The following NRG1 variants were observed in gnomAD, a reference collection of about 807,000 sequenced individuals.
NRG1 encodes neuregulin 1.
Under a neutral mutation model 63.8 loss-of-function variants are expected in NRG1, and 18 were observed. The observed-to-expected ratio is 0.28, with a 90% CI of 0.19 to 0.42. The LOEUF (loss-of-function observed/expected upper bound fraction) is 0.42. Ranked by LOEUF, NRG1 falls within the 10% of genes least tolerant of loss-of-function variation. NRG1 has a pLI of 1.00. For missense variants in NRG1, 762 were observed against 814.7 expected (o/e 0.94, Z 0.79); for synonymous variants, 302 against 301.3 (o/e 1.00, Z -0.02).
chr8:31,921,906 T>C (rs1833952035), intron 1 of NRG1, among the ~76,000 whole-genome samples: 1 of 152,164 alleles, frequency 6.6e-6, no homozygotes, highest in South Asian at 2.1e-4. Context: ...GAGACTTTGT[T>C]AATTTTCTTA....
intron 1 of NRG1, among the ~76,000 whole-genome samples, chr8:32,573,885 G>A (rs1379286792): frequency 1.3e-5 from 2 of 151,912 alleles, no homozygotes; most frequent in Non-Finnish European, 2.9e-5. Context: ...TCCCACCTAT[G>A]AGTGAGAACA....
intron 6 of NRG1, among the ~76,000 whole-genome samples, chr8:32,734,876 T>C (rs1015501442): frequency 1.3e-5 from 2 of 152,234 alleles, no homozygotes; most frequent in Admixed American, 1.3e-4. Flanking sequence ...ATTGAACTCA[T>C]ATGAGACAGG....
At chr8:31,988,788 T>G (rs1236882997) in intron 1 of NRG1, among the ~76,000 whole-genome samples, 1 of 152,118 alleles carries the variant, frequency 6.6e-6, no homozygotes, top group Non-Finnish European at 1.5e-5. Flanking sequence ...TCTGAGGGAA[T>G]AAGTTAGCCT....
chr8:31,914,523 G>A (rs1233782762), intron 1 of NRG1, among the ~76,000 whole-genome samples: 1 of 151,882 alleles, frequency 6.6e-6, no homozygotes, highest in Non-Finnish European at 1.5e-5. Context: ...GAGAAGAGCT[G>A]TCTATGCTGT....
chr8:32,424,558 C>G (rs1817107817), intron 1 of NRG1, among the ~76,000 whole-genome samples: 2 of 152,134 alleles, frequency 1.3e-5, no homozygotes, highest in Non-Finnish European at 2.9e-5. Flanking sequence ...AGATCTGCCT[C>G]TTACTAGTTT....
intron 1 of NRG1, among the ~76,000 whole-genome samples, chr8:32,221,592 C>A (rs1845820702): frequency 6.6e-6 from 1 of 152,062 alleles, no homozygotes; most frequent in African/African-American, 2.4e-5. Flanking sequence ...TATCTCTAGG[C>A]AGTAAATCAT....
intron 5 of NRG1, among the ~76,000 whole-genome samples, chr8:32,677,620 G>C (rs1003138042): frequency 2.0e-5 from 3 of 151,900 alleles, no homozygotes; most frequent in Non-Finnish European, 4.4e-5. Context: ...TCATGCCACT[G>C]CACTCCAGCC....
chr8:32,226,889 C>T (rs1846382739), intron 1 of NRG1, among the ~76,000 whole-genome samples: 1 of 152,176 alleles, frequency 6.6e-6, no homozygotes, highest in Admixed American at 6.5e-5. Flanking sequence ...CAGCTCACTG[C>T]TGATTTCTAT....
intron 1 of NRG1, among the ~76,000 whole-genome samples, chr8:32,015,569 T>C (rs935364096): frequency 6.6e-6 from 1 of 152,190 alleles, no homozygotes; most frequent in Non-Finnish European, 1.5e-5. Flanking sequence ...CTGGTGTGTA[T>C]GTATAACATG....
intron 1 of NRG1, among the ~76,000 whole-genome samples, chr8:31,664,537 A>G (rs1806327940): frequency 6.6e-6 from 1 of 152,222 alleles, no homozygotes; most frequent in South Asian, 2.1e-4. Flanking sequence ...GTGGTTTTGC[A>G]ACTTCTCTAT....
chr8:32,560,699 T>A (rs1836224680), intron 1 of NRG1, among the ~76,000 whole-genome samples: 1 of 152,232 alleles, frequency 6.6e-6, no homozygotes, highest in South Asian at 2.1e-4. Flanking sequence ...TAAGTCATAA[T>A]CAGTGCTTAA....
At chr8:32,304,892 C>A in intron 1 of NRG1, among the ~76,000 whole-genome samples, 1 of 151,980 alleles carries the variant, frequency 6.6e-6, no homozygotes, top group African/African-American at 2.4e-5. Flanking sequence ...CATGGTAGCC[C>A]ACACCTGTAA....
Position 32,328,108 on chromosome 8 carries a change from G to A in NRG1, c.38-267720G>A, listed in dbSNP as rs185136053. Among the ~76,000 whole-genome samples the A allele has an allele frequency of 3.9e-5, 6 of 152,296 alleles. No homozygotes were observed. The South Asian group carries it at 1.2e-3, about 32-fold the overall frequency. On this transcript the variant is annotated intron_variant, in intron 1 of 10. Transcript: ENST00000519301. Reference sequence around the variant, plus strand: ...ACACAGAATGTCCCAAATTGAGACAGCATCTTTTAAGCAAATTGTTGTCCC... The same window carrying A: ...ACACAGAATGTCCCAAATTGAGACAACATCTTTTAAGCAAATTGTTGTCCC...
At chr8:31,654,795 G>A (rs779265815) in intron 1 of NRG1, among the ~76,000 whole-genome samples, 1 of 152,096 alleles carries the variant, frequency 6.6e-6, no homozygotes, top group Non-Finnish European at 1.5e-5. Flanking sequence ...AATTAAATTT[G>A]CCAGGCTTGG....
intron 1 of NRG1, among the ~76,000 whole-genome samples, chr8:31,821,058 C>G (rs1027648570): frequency 6.6e-6 from 1 of 152,108 alleles, no homozygotes; most frequent in African/African-American, 2.4e-5. Context: ...TATATCATCT[C>G]TATATTAGAT....
chr8:31,873,506 C>T (rs1044947103), intron 1 of NRG1, among the ~76,000 whole-genome samples: 2 of 152,142 alleles, frequency 1.3e-5, no homozygotes, highest in African/African-American at 4.8e-5. Context: ...TTGCAGTGAG[C>T]TGAGATCAGA....
intron 1 of NRG1, among the ~76,000 whole-genome samples, chr8:32,507,210 G>A (rs1273404586): frequency 2.0e-5 from 3 of 152,196 alleles, no homozygotes; most frequent in Non-Finnish European, 2.9e-5. Context: ...TTGTAAGAGC[G>A]AGCAAGAGTT....
chr8:31,680,893 C>T (rs545754752), intron 1 of NRG1, among the ~76,000 whole-genome samples: 5 of 152,230 alleles, frequency 3.3e-5, no homozygotes, highest in Non-Finnish European at 7.4e-5. Context: ...CACAGAACAG[C>T]GAACAGGGAG....
At chr8:31,897,985 C>T (rs537621549) in intron 1 of NRG1, among the ~76,000 whole-genome samples, 1 of 146,706 alleles carries the variant, frequency 6.8e-6, no homozygotes, top group African/African-American at 2.5e-5. Context: ...CCATTGCACT[C>T]CAGCCTGGGT....
Sources: gnomAD v4.1 joint callset for allele counts (sites outside exome capture counted in the v4.1 genomes callset) on GRCh38, gnomAD v4.1.1 for gene constraint, MANE v1.5 for transcripts, NCBI Gene and HGNC (gene_info 2026-07-23, HGNC 2026-07-21) for gene names.